The following LRMDA variants were observed in gnomAD, a reference collection of about 807,000 sequenced individuals.
LRMDA encodes leucine-rich melanocyte differentiation-associated protein.
LRMDA carries 18 observed loss-of-function variants against 29.8 expected under a neutral mutation model. The observed-to-expected ratio is 0.60, with a 90% CI of 0.42 to 0.90. LRMDA has a LOEUF of 0.90. Ranked by LOEUF, LRMDA falls within the 40% of genes least tolerant of loss-of-function variation. The probability of loss-of-function intolerance (pLI) is 0.00; values close to 1 mark genes in which losing one functional copy is unlikely to be tolerated. For missense variants in LRMDA, 273 were observed against 273.9 expected, an observed-to-expected ratio of 1.00 and a Z score of 0.02; for synonymous variants, 125 against 109.4, an observed-to-expected ratio of 1.14 and a Z score of -0.89.
intron 2 of LRMDA, among the ~76,000 whole-genome samples, chr10:75,605,198 T>C (rs1454017317): frequency 1.3e-5 from 2 of 152,234 alleles, no homozygotes; most frequent in African/African-American, 4.8e-5. Flanking sequence ...AGACTTGAAT[T>C]CTAAATCAAT....
At chr10:76,315,964 C>G (rs1479158111) in intron 5 of LRMDA, among the ~76,000 whole-genome samples, 2 of 152,184 alleles carry the variant, frequency 1.3e-5, no homozygotes, top group African/African-American at 2.4e-5. Context: ...CTTCTGAGAG[C>G]TATTCTGTTG....
intron 6 of LRMDA, among the ~76,000 whole-genome samples, chr10:76,525,885 C>G (rs932099540): frequency 6.6e-6 from 1 of 152,126 alleles, no homozygotes; most frequent in Non-Finnish European, 1.5e-5. Context: ...CTATACAGTA[C>G]TCCCCAAATT....
chr10:76,264,406 C>CAAAA (rs59846541), intron 5 of LRMDA, among the ~76,000 whole-genome samples: 16 of 34,294 alleles, frequency 4.7e-4, no homozygotes, highest in African/African-American at 6.7e-4. Context: ...GACTCTGTCT[C>CAAAA]AAAAAAAAAA....
intron 6 of LRMDA, among the ~76,000 whole-genome samples, chr10:76,383,000 T>G (rs896599707): frequency 2.0e-5 from 3 of 152,204 alleles, no homozygotes; most frequent in Non-Finnish European, 4.4e-5. Flanking sequence ...CTGTTTTTAG[T>G]GGGTTTTATA....
intron 2 of LRMDA, among the ~76,000 whole-genome samples, chr10:75,785,749 C>T (rs2132247233): frequency 6.6e-6 from 1 of 152,290 alleles, no homozygotes; most frequent in Non-Finnish European, 1.5e-5. Flanking sequence ...TCTATCAAAA[C>T]GATAGATATT....
At chr10:76,335,756 T>C (rs1840960084) in intron 6 of LRMDA, among the ~76,000 whole-genome samples, 1 of 152,136 alleles carries the variant, frequency 6.6e-6, no homozygotes, top group Admixed American at 6.5e-5. Flanking sequence ...AGCTGGGTGA[T>C]ATAAGAGGTT....
chr10:76,033,228 A>G (rs1386139302), intron 2 of LRMDA, among the ~76,000 whole-genome samples: 1 of 152,056 alleles, frequency 6.6e-6, no homozygotes, highest in Non-Finnish European at 1.5e-5. Context: ...CTGGATCTAG[A>G]TGATTAAATC....
intron 5 of LRMDA, among the ~76,000 whole-genome samples, chr10:76,118,722 AC>A (rs1176958823): frequency 2.0e-5 from 3 of 152,254 alleles, no homozygotes; most frequent in East Asian, 1.9e-4. Flanking sequence ...TGCATTAAAA[AC>A]ATCACAATCA....
At chr10:75,567,581 C>T (rs145592935) in intron 2 of LRMDA, among the ~76,000 whole-genome samples, 117 of 152,212 alleles carry the variant, frequency 7.7e-4, no homozygotes, top group East Asian at 6.2e-3. Context: ...ACATTCAAAA[C>T]GGGATTTTTG....
intron 2 of LRMDA, among the ~76,000 whole-genome samples, chr10:75,583,675 C>T (rs1334605168): frequency 6.6e-6 from 1 of 152,168 alleles, no homozygotes; most frequent in Admixed American, 6.5e-5. Context: ...TTTCCTCCTG[C>T]CCACCATCAG....
chr10:76,362,838 A>T (rs1841327986), intron 6 of LRMDA, among the ~76,000 whole-genome samples: 1 of 151,948 alleles, frequency 6.6e-6, no homozygotes, highest in African/African-American at 2.4e-5. Flanking sequence ...TCCTTCTATA[A>T]GTATTAAGTC....
intron 4 of LRMDA, among the ~76,000 whole-genome samples, chr10:76,054,680 T>C (rs1424274235): frequency 6.6e-6 from 1 of 151,658 alleles, no homozygotes; most frequent in Admixed American, 6.6e-5. Flanking sequence ...TGTTTCTGTC[T>C]GTACATGTCT....
At chr10:75,717,061 T>A (rs1177973801) in intron 2 of LRMDA, among the ~76,000 whole-genome samples, 1 of 152,204 alleles carries the variant, frequency 6.6e-6, no homozygotes, top group Non-Finnish European at 1.5e-5. Flanking sequence ...TTCCTGCATG[T>A]GACTGCCATG....
chr10:75,460,925 G>C (rs999116125), intron 2 of LRMDA, among the ~76,000 whole-genome samples: 5 of 152,100 alleles, frequency 3.3e-5, no homozygotes, highest in African/African-American at 1.2e-4. Context: ...TGTTTTCACT[G>C]TTCTGTTTGT....
At chr10:75,946,673 A>G (rs1846482129) in intron 2 of LRMDA, among the ~76,000 whole-genome samples, 1 of 152,144 alleles carries the variant, frequency 6.6e-6, no homozygotes, top group African/African-American at 2.4e-5. Context: ...AATATTTGGG[A>G]TTCCAGATCT....
chr10:76,025,783 A>T (rs945242457), intron 2 of LRMDA, among the ~76,000 whole-genome samples: 1 of 152,186 alleles, frequency 6.6e-6, no homozygotes, highest in Non-Finnish European at 1.5e-5. Context: ...GCTCAAGCCC[A>T]TCTCCTTCAC....
At chr10:75,553,189 A>G (rs1156334135) in intron 2 of LRMDA, among the ~76,000 whole-genome samples, 5 of 152,188 alleles carry the variant, frequency 3.3e-5, no homozygotes, top group African/African-American at 7.2e-5. Context: ...ATGCTTGGAA[A>G]TGGAGACTCT....
At chr10:75,647,914 G>C (rs954147747) in intron 2 of LRMDA, among the ~76,000 whole-genome samples, 1 of 152,146 alleles carries the variant, frequency 6.6e-6, no homozygotes, top group African/African-American at 2.4e-5. Flanking sequence ...AGTCAGGAGA[G>C]TGAAGTTCTG....
intron 5 of LRMDA, among the ~76,000 whole-genome samples, chr10:76,102,521 T>G (rs1441430812): frequency 2.0e-5 from 3 of 152,234 alleles, no homozygotes; most frequent in African/African-American, 7.2e-5. Context: ...TTGCTTAGCA[T>G]AATGGCCTCC....
Sources: gnomAD v4.1 joint callset for allele counts (sites outside exome capture counted in the v4.1 genomes callset) on GRCh38, gnomAD v4.1.1 for gene constraint, MANE v1.5 for transcripts, NCBI Gene and HGNC (gene_info 2026-07-23, HGNC 2026-07-21) for gene names.